The following TRPA1 variants were observed in gnomAD, a reference collection of about 807,000 sequenced individuals.
The protein encoded by TRPA1 is transient receptor potential cation channel subfamily A member 1.
In TRPA1, 129 loss-of-function variants were observed where a neutral mutation model predicts 131.3. The observed-to-expected ratio is 0.98, with a 90% CI of 0.85 to 1.14. The LOEUF (loss-of-function observed/expected upper bound fraction) is 1.14. TRPA1 is among the 50% of genes most tolerant of loss of function. The probability of loss-of-function intolerance (pLI) is 0.00; values close to 1 mark genes in which losing one functional copy is unlikely to be tolerated. For synonymous variants in TRPA1, 441 were observed against 451.7 expected, an observed-to-expected ratio of 0.98 and a Z score of 0.30; for missense variants, 1,304 against 1,354.2, an observed-to-expected ratio of 0.96 and a Z score of 0.58.
At chr8:72,038,637 CAT>C in intron 19 of TRPA1, 1 of 475,952 alleles carries the variant, frequency 2.1e-6, no homozygotes, top group Non-Finnish European at 3.7e-6. Context: ...GCATCTAACA[CAT>C]GTCAATTCTT....
the TRPA1 span, among the ~76,000 whole-genome samples, chr8:72,082,824 A>AT: frequency 1.3e-5 from 2 of 151,766 alleles, no homozygotes; most frequent in Admixed American, 6.6e-5. Context: ...ACCTTCTTGA[A>AT]TTTGTAGATT....
chr8:72,087,631 A>AATAT, the TRPA1 span, among the ~76,000 whole-genome samples: 55,168 of 146,084 alleles, frequency 0.38, 10,789 homozygotes, highest in East Asian at 0.57. Context: ...GGATCTATCA[A>AATAT]ATATATATAT....
At chr8:72,036,028 A>AAAGAAG (rs1187668579) in intron 21 of TRPA1, among the ~76,000 whole-genome samples, 3 of 141,076 alleles carry the variant, frequency 2.1e-5, no homozygotes, top group Non-Finnish European at 4.6e-5. Flanking sequence ...AAAAAAAAAA[A>AAAGAAG]AAGAAGAAGA....
In TRPA1 at chr8:72,051,745, A is replaced by G. The variant is rs142267233; in HGVS notation, c.1811+854T>C. ...TGATTATTTTAGAAAGTGATATTAT[A>G]AAGATATTATGAGAAGTGAGACTAA... On this transcript the variant is annotated intron_variant, in intron 14 of 26. Coordinates refer to ENST00000262209, the MANE Select transcript of TRPA1 (RefSeq NM_007332.3). Among the ~76,000 whole-genome samples, 1,094 of 152,312 alleles carry G rather than the reference A, an allele frequency of 7.2e-3. 6 individuals are homozygous for G. Among genetic ancestry groups the G allele is most frequent in the Non-Finnish European group, 0.011 (761 of 68,022 alleles).
At chr8:72,051,079 T>C (rs1805493360) in intron 14 of TRPA1, among the ~76,000 whole-genome samples, 1 of 152,180 alleles carries the variant, frequency 6.6e-6, no homozygotes, top group African/African-American at 2.4e-5. Context: ...ACATTAGGAA[T>C]GTGGGCAAAT....
At chr8:72,025,816 T>C in intron 25 of TRPA1, 144 bp downstream of exon 25, 1 of 723,276 alleles carries the variant, frequency 1.4e-6, no homozygotes, top group South Asian at 1.5e-5. Context: ...GGTTTAATCA[T>C]ATCCTTTTTT....
At chr8:72,036,549 G>A in intron 20 of TRPA1, 92 bp from the exon 21 acceptor site, 2 of 1,240,184 alleles carry the variant, frequency 1.6e-6, no homozygotes, top group South Asian at 2.7e-5. Context: ...AATTTTTCTA[G>A]CTTTGCAGCC....
intron 2 of TRPA1, 42 bp from the exon 3 acceptor site, chr8:72,069,240 C>T (rs370059944): frequency 2.5e-6 from 4 of 1,596,484 alleles, no homozygotes; most frequent in Non-Finnish European, 3.4e-6. Flanking sequence ...TTTGCTTAGA[C>T]TGTATTCAAC....
At chr8:72,049,162 A>G (rs1001905149) in intron 15 of TRPA1, among the ~76,000 whole-genome samples, 3 of 21,556 alleles carry the variant, frequency 1.4e-4, no homozygotes, top group Non-Finnish European at 2.6e-4. Flanking sequence ...TTGTTCAATA[A>G]ATAAAGAACA....
chr8:72,078,846 A>G (rs554328857), upstream of TRPA1, among the ~76,000 whole-genome samples: 24 of 152,168 alleles, frequency 1.6e-4, no homozygotes, highest in African/African-American at 5.8e-4. Context: ...TACCTTCCAA[A>G]GTGGATGTAC....
intron 13 of TRPA1, chr8:72,053,486 C>T (rs16937943): frequency 0.14 from 67,284 of 481,152 alleles, 5,274 homozygotes; most frequent in Middle Eastern, 0.23. Flanking sequence ...AGGGAGTAAA[C>T]GCTTTACCAT....
intron 1 of TRPA1, 138 bp from the exon 2 acceptor site, chr8:72,072,005 T>C (rs1806074200): frequency 6.4e-6 from 5 of 781,700 alleles, no homozygotes; most frequent in Non-Finnish European, 1.0e-5. Context: ...TTTCTTGAAA[T>C]ACACAAAATG....
chr8:72,060,908 C>T (rs575283675), intron 7 of TRPA1, among the ~76,000 whole-genome samples: 1 of 150,780 alleles, frequency 6.6e-6, no homozygotes, highest in Non-Finnish European at 1.5e-5. Context: ...GGTCCAGTTG[C>T]CTATTGAAAA....
chr8:72,044,536 A>G (rs918725644), intron 17 of TRPA1, among the ~76,000 whole-genome samples: 1 of 151,996 alleles, frequency 6.6e-6, no homozygotes, highest in Non-Finnish European at 1.5e-5. Context: ...TTAAGTTTAA[A>G]TATCACCCAA....
intron 22 of TRPA1, 22 bp from the exon 23 acceptor site, chr8:72,033,848 C>T: frequency 6.2e-7 from 1 of 1,608,996 alleles, no homozygotes; most frequent in Non-Finnish European, 8.5e-7. Context: ...CGGTGAGGTA[C>T]AAATGAAATG....
the TRPA1 span, among the ~76,000 whole-genome samples, chr8:72,088,366 CTTTTTT>C: frequency 2.5e-5 from 2 of 81,216 alleles, no homozygotes; most frequent in Non-Finnish European, 4.8e-5. Context: ...TCTTTGAAAA[CTTTTTT>C]TTTTTTTTTT....
In TRPA1 at chr8:72,055,551, T is replaced by C; in HGVS notation, c.1414A>G (p.Thr472Ala). ...AGGTCACCTTCATTCAGAAGCCTCG[T>C]ATCACTTATGTCTTGTAGGAGCCTC... ...CQRLLQDISD[T>A]RLLNEGDLHG... The change falls in exon 12 of 27, where the codon ACG becomes GCG. Residue 472 changes from threonine to alanine, a missense_variant. Coordinates refer to ENST00000262209, the MANE Select transcript of TRPA1 (RefSeq NM_007332.3). The C allele has an allele frequency of 6.2e-7, 1 of 1,613,704 alleles. No individual in the cohort carries two copies. The highest frequency in any genetic ancestry group is 8.5e-7 in the Non-Finnish European group (1 of 1,179,698).
At chr8:72,085,875 C>G in the TRPA1 span, among the ~76,000 whole-genome samples, 1 of 151,656 alleles carries the variant, frequency 6.6e-6, no homozygotes, top group Non-Finnish European at 1.5e-5. Context: ...TTAACCTTTA[C>G]TGATTTGGGG....
Position 72,039,728 on chromosome 8 carries a change from A to G in TRPA1, c.2131T>C (p.Trp711Arg). 1 of 1,596,016 alleles carries G rather than the reference A, an allele frequency of 6.3e-7. No individual in the cohort carries two copies. Among genetic ancestry groups the G allele is most frequent in the Non-Finnish European group, 8.6e-7 (1 of 1,164,160 alleles). Residue 711 changes from tryptophan to arginine, a missense_variant and splice_region_variant, in exon 18 of 27, where the codon TGG (tryptophan) becomes CGG (arginine). Trp to Arg is a moderately radical substitution (Grantham distance 101, BLOSUM62 -3). Coordinates refer to ENST00000262209, the MANE Select transcript of TRPA1 (RefSeq NM_007332.3). ...PVCKEYLLMK[W>R]LAYGFRAHMM... ...CAAGAAATACTACTCAATACCCACC[A>G]TTTCATGAGTAAATATTCTTTACAC...
Sources: gnomAD v4.1 joint callset for allele counts (sites outside exome capture counted in the v4.1 genomes callset) on GRCh38, gnomAD v4.1.1 for gene constraint, MANE v1.5 for transcripts, NCBI Gene and HGNC (gene_info 2026-07-23, HGNC 2026-07-21) for gene names.